Variants in PTPRR observed in about 807,000 individuals in gnomAD.
PTPRR encodes receptor-type tyrosine-protein phosphatase R.
In PTPRR, 38 loss-of-function variants were observed where a neutral mutation model predicts 77.2. The observed-to-expected ratio is 0.49, with a 90% confidence interval of 0.38 to 0.65. The LOEUF (loss-of-function observed/expected upper bound fraction) is 0.65, where lower values mean the gene tolerates loss of function less well. Among genes scored for constraint, PTPRR ranks in the 30% least tolerant of loss-of-function variants. PTPRR has a pLI of 0.00. For synonymous variants in PTPRR, 299 were observed against 283.1 expected, an observed-to-expected ratio of 1.06 and a Z score of -0.57; for missense variants, 744 against 799.2, an observed-to-expected ratio of 0.93 and a Z score of 0.83.
chr12:70,672,653 GCAA>G, intron 10 of PTPRR: 2 of 1,542,136 alleles, frequency 1.3e-6, no homozygotes, highest in Non-Finnish European at 1.8e-6. Flanking sequence ...GTGGTCCAGA[GCAA>G]CAACACCAAC....
intron 5 of PTPRR, among the ~76,000 whole-genome samples, chr12:70,753,029 AT>A (rs892516947): frequency 2.3e-4 from 35 of 151,100 alleles, no homozygotes; most frequent in South Asian, 8.4e-4. Context: ...ATTCTTAGAA[AT>A]TTTTTTTTTC....
intron 2 of PTPRR, among the ~76,000 whole-genome samples, chr12:70,852,639 T>G (rs908802359): frequency 3.3e-5 from 5 of 152,160 alleles, no homozygotes; most frequent in African/African-American, 1.2e-4. Context: ...TTGTGAGAAT[T>G]TAGAAGAGGC....
intron 2 of PTPRR, among the ~76,000 whole-genome samples, chr12:70,889,193 C>T (rs994642889): frequency 2.0e-5 from 3 of 152,142 alleles, no homozygotes; most frequent in Non-Finnish European, 1.5e-5. Context: ...GCCCATCCTT[C>T]GGGTAATCCA....
chr12:70,866,866 G>A (rs1458133406), intron 2 of PTPRR, among the ~76,000 whole-genome samples: 2 of 152,042 alleles, frequency 1.3e-5, no homozygotes, highest in African/African-American at 2.4e-5. Flanking sequence ...TGGGATGCAA[G>A]GCTGGTTCAA....
intron 1 of PTPRR, among the ~76,000 whole-genome samples, chr12:70,901,050 GC>G (rs879415530): frequency 3.3e-5 from 5 of 151,412 alleles, no homozygotes; most frequent in Non-Finnish European, 7.4e-5. Context: ...TGATTAAAAG[GC>G]CCAAAATTCA....
At chr12:70,686,196 A>G (rs991436961) in intron 8 of PTPRR, among the ~76,000 whole-genome samples, 3 of 152,138 alleles carry the variant, frequency 2.0e-5, no homozygotes, top group African/African-American at 7.2e-5. Context: ...ATCATTGAAC[A>G]TCTTCTGGGT....
At chr12:70,829,367 C>A (rs1182379685) in intron 2 of PTPRR, among the ~76,000 whole-genome samples, 1 of 152,136 alleles carries the variant, frequency 6.6e-6, no homozygotes, top group Non-Finnish European at 1.5e-5. Context: ...TTCTTACTGA[C>A]CCTGACCCTG....
At chr12:70,728,914 C>A (rs926235335) in intron 6 of PTPRR, among the ~76,000 whole-genome samples, 2 of 151,888 alleles carry the variant, frequency 1.3e-5, no homozygotes, top group Non-Finnish European at 2.9e-5. Context: ...ACTACGGGGC[C>A]AAAAATGAAA....
chr12:70,695,621 C>G (rs1400695693), intron 8 of PTPRR, among the ~76,000 whole-genome samples: 1 of 152,274 alleles, frequency 6.6e-6, no homozygotes, highest in East Asian at 1.9e-4. Flanking sequence ...GAACTTTGAA[C>G]TAATGCTAAT....
intron 2 of PTPRR, among the ~76,000 whole-genome samples, chr12:70,798,440 T>C (rs2137017213): frequency 6.6e-6 from 1 of 152,332 alleles, no homozygotes; most frequent in East Asian, 1.9e-4. Context: ...ATTTTATCTA[T>C]TCAGTGCAGA....
chr12:70,808,268 A>C (rs1336589694), intron 2 of PTPRR, among the ~76,000 whole-genome samples: 1 of 152,068 alleles, frequency 6.6e-6, no homozygotes, highest in Admixed American at 6.6e-5. Flanking sequence ...ATCAATGACA[A>C]TGCGTGCACA....
chr12:70,692,589 G>A (rs1170017175), intron 8 of PTPRR, among the ~76,000 whole-genome samples: 2 of 152,206 alleles, frequency 1.3e-5, no homozygotes, highest in Non-Finnish European at 2.9e-5. Flanking sequence ...GCTTTCCCAC[G>A]TGTATCATAT....
intron 4 of PTPRR, among the ~76,000 whole-genome samples, chr12:70,759,694 A>AAC (rs1555173432): frequency 1.4e-5 from 2 of 146,620 alleles, no homozygotes; most frequent in Non-Finnish European, 3.0e-5. Context: ...AAAAAAAAAA[A>AAC]AAAAAAAAAA....
At chr12:70,706,675 T>G (rs1032898209) in intron 6 of PTPRR, among the ~76,000 whole-genome samples, 1 of 152,018 alleles carries the variant, frequency 6.6e-6, no homozygotes, top group Non-Finnish European at 1.5e-5. Flanking sequence ...AAGGCAAAAT[T>G]TACTACACCC....
intron 2 of PTPRR, among the ~76,000 whole-genome samples, chr12:70,772,655 C>A (rs1414955936): frequency 6.6e-6 from 1 of 151,902 alleles, no homozygotes; most frequent in African/African-American, 2.4e-5. Context: ...GAGGTAGGGG[C>A]CCTAAGATTT....
rs1326974207 is a variant in PTPRR, at chr12:70,701,729, T to G, written c.1008-406A>C. 2.6e-5 allele frequency among the ~76,000 whole-genome samples: 4 copies of G among 152,078 alleles called. No homozygotes were observed. The East Asian group carries it at 7.7e-4, about 29-fold the overall frequency. ...AGTTCATGACTGCAATCCCAGCACT[T>G]TGGGAGGCTGAGGTGGGTGGATTGC... On this transcript the variant is annotated intron_variant, in intron 6 of 13. Coordinates refer to ENST00000283228, the MANE Select transcript of PTPRR (RefSeq NM_002849.4).
At chr12:70,658,111 G>A (rs1278945182) in intron 12 of PTPRR, among the ~76,000 whole-genome samples, 1 of 152,136 alleles carries the variant, frequency 6.6e-6, no homozygotes, top group Non-Finnish European at 1.5e-5. Flanking sequence ...TAACTTTCAA[G>A]CCTTATGTAT....
chr12:70,660,635 C>T (rs7309888), intron 12 of PTPRR, among the ~76,000 whole-genome samples: 60,385 of 152,044 alleles, frequency 0.4, 14,757 homozygotes, highest in African/African-American at 0.67. Context: ...GAGACTAAAT[C>T]AATCAATATA....
At chr12:70,811,138 AT>A (rs1796214483) in intron 2 of PTPRR, among the ~76,000 whole-genome samples, 1 of 152,198 alleles carries the variant, frequency 6.6e-6, no homozygotes, top group Non-Finnish European at 1.5e-5. Context: ...TAAATGTTAG[AT>A]GTTTGCATTT....
Sources: allele counts gnomAD v4.1 joint callset (sites outside exome capture counted in the v4.1 genomes callset), GRCh38; gene constraint gnomAD v4.1.1; transcripts MANE v1.5; gene names NCBI Gene and HGNC (gene_info 2026-07-23, HGNC 2026-07-21).